The following CCSER2 variants were observed in gnomAD, a reference collection of about 807,000 sequenced individuals.
CCSER2 encodes serine-rich coiled-coil domain-containing protein 2.
CCSER2 carries 46 observed loss-of-function variants against 92.3 expected under a neutral mutation model. The observed-to-expected ratio is 0.50, with a 90% confidence interval of 0.39 to 0.64. The LOEUF (loss-of-function observed/expected upper bound fraction) is 0.64. Ranked by LOEUF, CCSER2 falls within the 30% of genes least tolerant of loss-of-function variation. The probability of loss-of-function intolerance (pLI) is 0.00; values close to 1 mark genes in which losing one functional copy is unlikely to be tolerated. For missense variants in CCSER2, 1,244 were observed against 1,238.9 expected, an observed-to-expected ratio of 1.00 and a Z score of -0.06; for synonymous variants, 433 against 431.4, an observed-to-expected ratio of 1.00 and a Z score of -0.04.
At chr10:84,387,717 A>G (rs926460203) in intron 3 of CCSER2, among the ~76,000 whole-genome samples, 2 of 151,714 alleles carry the variant, frequency 1.3e-5, no homozygotes, top group African/African-American at 2.4e-5. Flanking sequence ...TTTAGTAGAG[A>G]CGGGGTTTCA....
At chr10:84,497,000 A>G (rs1848490921) in intron 9 of CCSER2, among the ~76,000 whole-genome samples, 1 of 152,320 alleles carries the variant, frequency 6.6e-6, no homozygotes, top group East Asian at 1.9e-4. Context: ...TGATCAGAGT[A>G]TGTTATTTCT....
chr10:84,363,043 T>TA (rs1232611321), intron 1 of CCSER2, among the ~76,000 whole-genome samples: 2 of 151,048 alleles, frequency 1.3e-5, no homozygotes, highest in Non-Finnish European at 3.0e-5. Context: ...GATGGGGTTT[T>TA]ACCATGTTGG....
intron 3 of CCSER2, among the ~76,000 whole-genome samples, chr10:84,413,302 CT>C (rs1842745502): frequency 6.6e-6 from 1 of 152,118 alleles, no homozygotes; most frequent in African/African-American, 2.4e-5. Context: ...ATAAATTTCC[CT>C]CTTAACAGTG....
At chr10:84,477,769 T>C in intron 9 of CCSER2, 105 bp downstream of exon 9, 1 of 646,554 alleles carries the variant, frequency 1.5e-6, no homozygotes, top group Non-Finnish European at 2.6e-6. Flanking sequence ...CTGTCATGGC[T>C]GTTAATTTTT....
chr10:84,451,041 A>G (rs912079099), intron 6 of CCSER2, among the ~76,000 whole-genome samples: 26 of 152,186 alleles, frequency 1.7e-4, no homozygotes, highest in African/African-American at 6.3e-4. Context: ...GGAATTTATC[A>G]AAATGACTCC....
chr10:84,366,839 C>T (rs1052011898), intron 1 of CCSER2, among the ~76,000 whole-genome samples: 4 of 152,138 alleles, frequency 2.6e-5, no homozygotes, highest in Non-Finnish European at 5.9e-5. Flanking sequence ...AAGAAGATAA[C>T]TGCTGACAGT....
At chr10:84,394,737 A>G (rs1462397509) in intron 3 of CCSER2, among the ~76,000 whole-genome samples, 2 of 152,180 alleles carry the variant, frequency 1.3e-5, no homozygotes, top group Admixed American at 1.3e-4. Context: ...AAAATAAGAT[A>G]TAACATTAAA....
intron 3 of CCSER2, among the ~76,000 whole-genome samples, chr10:84,384,240 G>C (rs532163059): frequency 9.2e-5 from 14 of 152,096 alleles, no homozygotes; most frequent in Non-Finnish European, 1.8e-4. Context: ...TCCAAAACAT[G>C]GAGGAGGCGG....
intron 9 of CCSER2, among the ~76,000 whole-genome samples, chr10:84,491,866 T>C (rs940980077): frequency 6.6e-6 from 1 of 152,242 alleles, no homozygotes; most frequent in African/African-American, 2.4e-5. Context: ...CTGTTCCTAT[T>C]CGGCCATCTT....
chr10:84,434,429 T>G (rs1478533774), intron 5 of CCSER2, among the ~76,000 whole-genome samples: 1 of 152,220 alleles, frequency 6.6e-6, no homozygotes, highest in South Asian at 2.1e-4. Context: ...TAGATTTCTC[T>G]GTTATATTGA....
chr10:84,443,026 C>T (rs1291012950), intron 6 of CCSER2, among the ~76,000 whole-genome samples: 2 of 152,110 alleles, frequency 1.3e-5, no homozygotes, highest in Admixed American at 1.3e-4. Context: ...AATTATAAGA[C>T]CTAAAACCTT....
intron 3 of CCSER2, among the ~76,000 whole-genome samples, chr10:84,388,125 A>G (rs10887280): frequency 0.36 from 54,071 of 152,120 alleles, 11,529 homozygotes; most frequent in East Asian, 0.5. Flanking sequence ...GGCCTCCCAA[A>G]GTGCTGGGAT....
At chr10:84,425,244 AGT>A in intron 4 of CCSER2, 2 of 757,976 alleles carry the variant, frequency 2.6e-6, no homozygotes, top group Non-Finnish European at 3.2e-6. Flanking sequence ...TAATTTTAAA[AGT>A]GTGATTTGTT....
At chr10:84,435,459 A>G (rs1844049208) in intron 5 of CCSER2, among the ~76,000 whole-genome samples, 1 of 152,174 alleles carries the variant, frequency 6.6e-6, no homozygotes, top group Admixed American at 6.5e-5. Context: ...TTCCCTTTCT[A>G]ATGCTCTCTC....
intron 3 of CCSER2, among the ~76,000 whole-genome samples, chr10:84,404,927 TGTG>T (rs1842301943): frequency 6.6e-6 from 1 of 152,180 alleles, no homozygotes; most frequent in Non-Finnish European, 1.5e-5. Flanking sequence ...CATAAAGTAA[TGTG>T]GTGTTCATGA....
chr10:84,513,809 A>G lies in CCSER2; in HGVS notation c.2686A>G (p.Thr896Ala). ...TCTTCAGACACCTCCCGAGTCAAGT[A>G]CAGTAGACCAGGCTAAGAGAGTTGG... ...TSLQTPPESS[T>A]VDQAKRVGRN... The change falls in exon 10 of 10, where the codon ACA (threonine) becomes GCA (alanine). Residue 896 changes from threonine to alanine, a missense_variant. By Grantham distance (58) the Thr-to-Ala change is moderately conservative. Transcript: ENST00000372088. 1.3e-6 allele frequency: 2 copies of G among 1,536,314 alleles called. No homozygotes were observed. Among genetic ancestry groups the G allele is most frequent in the Non-Finnish European group, 1.7e-6 (2 of 1,146,912 alleles).
Position 84,371,078 on chromosome 10 carries a change from C to T in CCSER2, c.26C>T (p.Thr9Ile). ...ATGGAAGAAAAAACACAAATCAAGACATTTTTGGGTTCCAAGTTGCCAAAG... is the reference window on the plus strand; with the variant it reads ...ATGGAAGAAAAAACACAAATCAAGATATTTTTGGGTTCCAAGTTGCCAAAG... MEEKTQIK[T>I]FLGSKLPKYG... Residue 9 changes from threonine (T) to isoleucine (I), a missense_variant, in exon 2 of 10, where the codon ACA becomes ATA. Transcript: ENST00000372088. 1 of 1,594,544 alleles carries T rather than the reference C, an allele frequency of 6.3e-7. No homozygotes were observed. The highest frequency in any genetic ancestry group is 8.5e-7 in the Non-Finnish European group (1 of 1,172,420).
chr10:84,457,898 C>T (rs1228156264), intron 6 of CCSER2, among the ~76,000 whole-genome samples: 2 of 150,894 alleles, frequency 1.3e-5, no homozygotes, highest in South Asian at 2.1e-4. Context: ...AATGCCACCA[C>T]GCCCAGCTAA....
At chr10:84,406,180 G>A (rs1469108123) in intron 3 of CCSER2, among the ~76,000 whole-genome samples, 2 of 152,162 alleles carry the variant, frequency 1.3e-5, no homozygotes, top group African/African-American at 2.4e-5. Context: ...GTTACATGCT[G>A]TATGATTCCA....
Sources: allele counts gnomAD v4.1 joint callset (sites outside exome capture counted in the v4.1 genomes callset), GRCh38; gene constraint gnomAD v4.1.1; transcripts MANE v1.5; gene names NCBI Gene and HGNC (gene_info 2026-07-23, HGNC 2026-07-21).